MYH9: variants seen among roughly 807,000 people sequenced by gnomAD.
MYH9 encodes myosin-9.
In MYH9, 29 loss-of-function variants were observed where a neutral mutation model predicts 241.9. The observed-to-expected ratio is 0.12, with a 90% CI of 0.09 to 0.16. The LOEUF (loss-of-function observed/expected upper bound fraction) is 0.16. Ranked by LOEUF, MYH9 falls within the 10% of genes least tolerant of loss-of-function variation. The pLI, the probability that MYH9 is intolerant of heterozygous loss-of-function variation, is 1.00. For synonymous variants in MYH9, 1,047 were observed against 1,062.6 expected (o/e 0.99, Z 0.29); for missense variants, 1,803 against 2,595.5 (o/e 0.69, Z 6.63).
chr22:36,303,110 T>C (rs1261242199), intron 19 of MYH9, among the ~76,000 whole-genome samples: 1 of 152,088 alleles, frequency 6.6e-6, no homozygotes, highest in Admixed American at 6.5e-5. Context: ...TGATGTACTG[T>C]GAAGGTGGGC....
At chr22:36,321,972 GC>G in intron 6 of MYH9, 151 bp from the exon 7 acceptor site, 1 of 722,942 alleles carries the variant, frequency 1.4e-6, no homozygotes, top group Non-Finnish European at 2.5e-6. Flanking sequence ...CAGGCCAGGG[GC>G]CCCCTACGCC....
intron 24 of MYH9, among the ~76,000 whole-genome samples, chr22:36,297,910 T>C (rs1033487587): frequency 6.6e-6 from 1 of 152,182 alleles, no homozygotes; most frequent in African/African-American, 2.4e-5. Flanking sequence ...AGCAGCAGCA[T>C]ATGTGTGCTC....
rs979268761 is a variant in MYH9 at position 36,285,690 on chromosome 22, T to A, written c.5242A>T (p.Ile1748Phe). Residue 1748 changes from isoleucine (I) to phenylalanine (F), a missense_variant, in exon 37 of 41, where the codon ATC (isoleucine) becomes TTC (phenylalanine). Transcript: ENST00000216181. The surrounding 1 kb of genome is among the most constrained non-coding windows in gnomAD (Gnocchi z 7.0). ...LEEEQGNTEL[I>F]NDRLKKANLQ... is the part of the protein sequence containing the mutation. ...TTGGCCTTCTTCAGCCGGTCGTTGA[T>A]CAGCTCCGTGTTGCCCTGCTCCTCC... 1 of 1,612,794 alleles carries A rather than the reference T, an allele frequency of 6.2e-7. No homozygotes were observed. Among genetic ancestry groups the A allele is most frequent in the Non-Finnish European group, 8.5e-7 (1 of 1,179,998 alleles).
intron 31 of MYH9, among the ~76,000 whole-genome samples, chr22:36,291,510 A>C (rs1468965040): frequency 6.6e-6 from 1 of 151,840 alleles, no homozygotes; most frequent in Middle Eastern, 3.4e-3. Context: ...ACCACTCCCT[A>C]ATCTCAAGTA....
At chr22:36,335,320 C>A (rs149615495) in intron 3 of MYH9, among the ~76,000 whole-genome samples, 1 of 152,256 alleles carries the variant, frequency 6.6e-6, no homozygotes, top group Admixed American at 6.5e-5. Context: ...TCTTGGAGAG[C>A]CCACGCTGCC....
chr22:36,366,329 CATAGCCAGGCCAAGCAG>C (rs1253952412), intron 1 of MYH9, among the ~76,000 whole-genome samples: 1 of 151,958 alleles, frequency 6.6e-6, no homozygotes, highest in Non-Finnish European at 1.5e-5. Flanking sequence ...CCTAAGATCA[CATAGCCAGGCCAAGCAG>C]AAACTCAAGT....
chr22:36,295,776 T>C lies in MYH9; in HGVS notation c.3273-59A>G. 6.6e-7 allele frequency: 1 copy of C among 1,515,300 alleles called. No homozygotes were observed. 93.9% of individuals were successfully genotyped at this position (1,515,300 alleles called of 1,614,324 possible). A position where few individuals can be genotyped will look rare whatever the true frequency, so the allele number is the denominator to read the frequency against. ...GAGTTTCACCTCCAAGGAGCAGAGT[T>C]TGCAGGACAGGCCTGAGAGAGCTGC... On this transcript the variant is annotated intron_variant, in intron 25 of 40. Transcript: ENST00000216181. This position sits in a 1 kb window ranked among gnomAD's most constrained non-coding sequence, Gnocchi z 4.1.
chr22:36,289,140 T>C lies in MYH9; in HGVS notation c.4502A>G (p.Gln1501Arg). ...QKAELERLNKQFRTEMEDLMS... is the reference protein window; with the variant it reads ...QKAELERLNKRFRTEMEDLMS... The stretch of plus-strand genomic sequence containing the variant: ...AAGGTCCTCCATCTCCGTGCGGAAC[T>C]GCTTGTTGAGCCGCTCCAGCTCCGC... Residue 1501 changes from glutamine to arginine, a missense_variant, in exon 32 of 41, where the codon CAG (glutamine) becomes CGG (arginine). Coordinates refer to ENST00000216181, the MANE Select transcript of MYH9 (RefSeq NM_002473.6). The C allele has an allele frequency of 1.2e-6, 2 of 1,614,126 alleles. No individual in the cohort carries two copies. The highest frequency in any genetic ancestry group is 1.7e-6 in the Non-Finnish European group (2 of 1,180,038).
At chr22:36,324,262 T>C (rs1489937253) in intron 5 of MYH9, among the ~76,000 whole-genome samples, 1 of 152,250 alleles carries the variant, frequency 6.6e-6, no homozygotes, top group Non-Finnish European at 1.5e-5. Flanking sequence ...GACTAACCTA[T>C]GGCTTTTTCT....
chr22:36,309,708 G>A (rs1003920737), intron 14 of MYH9, among the ~76,000 whole-genome samples: 1 of 152,162 alleles, frequency 6.6e-6, no homozygotes, highest in Non-Finnish European at 1.5e-5. Flanking sequence ...AAATTTTTAG[G>A]TAATATGAAC....
intron 4 of MYH9, among the ~76,000 whole-genome samples, chr22:36,326,953 T>C (rs1005659889): frequency 3.3e-5 from 5 of 152,236 alleles, no homozygotes; most frequent in African/African-American, 1.2e-4. Context: ...TTTAGGCAGC[T>C]GTGGACTTAG....
chr22:36,283,987 C>T (rs2016535723), intron 40 of MYH9, 106 bp downstream of exon 40: 7 of 1,384,446 alleles, frequency 5.1e-6, no homozygotes. Context: ...TTTGTGCAGT[C>T]CTTTCTTGGT....
intron 3 of MYH9, among the ~76,000 whole-genome samples, chr22:36,333,733 A>G (rs1468137690): frequency 6.6e-6 from 1 of 152,012 alleles, no homozygotes; most frequent in Non-Finnish European, 1.5e-5. Flanking sequence ...AAAGAAAGCA[A>G]CTCCTTTCTC....
chr22:36,296,813 T>C (rs2016795006), intron 25 of MYH9, 30 bp downstream of exon 25: 2 of 1,585,938 alleles, frequency 1.3e-6, no homozygotes, highest in African/African-American at 1.3e-5. Context: ...CCAGGCCACC[T>C]GGCCTCAGGC....
At chr22:36,383,689 G>A (rs1233640454) in intron 1 of MYH9, among the ~76,000 whole-genome samples, 1 of 151,890 alleles carries the variant, frequency 6.6e-6, no homozygotes, top group East Asian at 1.9e-4. Context: ...CAGGTGCGGT[G>A]GCTCACGCCT....
intron 1 of MYH9, among the ~76,000 whole-genome samples, chr22:36,385,805 A>T (rs1436317684): frequency 1.3e-5 from 2 of 152,064 alleles, no homozygotes; most frequent in African/African-American, 2.4e-5. Context: ...GTGGCTCTCA[A>T]ATTACACTGA....
chr22:36,286,660 C>T lies in MYH9; in HGVS notation c.5061+58G>A, dbSNP rs2071734. The T allele has an allele frequency of 0.048, 77,690 of 1,604,772 alleles. 2,056 individuals carry two copies. The highest frequency in any genetic ancestry group is 0.058 in the South Asian group (5,301 of 90,986). On this transcript the variant is annotated intron_variant, in intron 35 of 40. Coordinates refer to ENST00000216181, the MANE Select transcript of MYH9 (RefSeq NM_002473.6). Reference sequence around the variant, plus strand: ...GCCCTGTCCTCAGCTGAAAGCCCCACGCTGCCACCTGCTGGCCGCAGGGCA... The same window carrying T: ...GCCCTGTCCTCAGCTGAAAGCCCCATGCTGCCACCTGCTGGCCGCAGGGCA...
chr22:36,299,694 C>A (rs537982637), intron 23 of MYH9, among the ~76,000 whole-genome samples: 270 of 152,326 alleles, frequency 1.8e-3, no homozygotes, highest in African/African-American at 5.8e-3. Flanking sequence ...GCTATCTGCT[C>A]CCTGGGCAGA....
intron 14 of MYH9, among the ~76,000 whole-genome samples, chr22:36,311,121 G>A (rs182983879): frequency 1.8e-4 from 28 of 152,300 alleles, no homozygotes; most frequent in Non-Finnish European, 2.5e-4. Flanking sequence ...AGGAGATGGC[G>A]CAGCCCCTGC....
Sources: allele counts gnomAD v4.1 joint callset (sites outside exome capture counted in the v4.1 genomes callset), GRCh38; gene constraint gnomAD v4.1.1; non-coding constraint Gnocchi (gnomAD v3.1); transcripts MANE v1.5; gene names NCBI Gene and HGNC (gene_info 2026-07-23, HGNC 2026-07-21).